The following RC3H1 variants were observed in gnomAD, a reference collection of about 807,000 sequenced individuals.
RC3H1 encodes the protein roquin-1.
A neutral mutation model predicts 138.2 loss-of-function variants in RC3H1; 50 were observed. That is an observed-to-expected ratio of 0.36 (90% CI 0.29 to 0.46). RC3H1 has a LOEUF of 0.46. Among genes scored for constraint, RC3H1 ranks in the 20% least tolerant of loss-of-function variants. RC3H1 has a pLI of 1.00. For missense variants in RC3H1, 1,031 were observed against 1,388.1 expected, an observed-to-expected ratio of 0.74 and a Z score of 4.09; for synonymous variants, 462 against 489.1, an observed-to-expected ratio of 0.94 and a Z score of 0.73.
chr1:173,990,311 T>A (rs1661220775), intron 2 of RC3H1, among the ~76,000 whole-genome samples: 1 of 151,730 alleles, frequency 6.6e-6, no homozygotes, highest in Non-Finnish European at 1.5e-5. Flanking sequence ...ACTCCTGGCC[T>A]CAAGAGATCT....
intron 2 of RC3H1, among the ~76,000 whole-genome samples, chr1:173,990,689 C>T (rs535003940): frequency 8.6e-5 from 13 of 151,656 alleles, no homozygotes; most frequent in African/African-American, 3.1e-4. Flanking sequence ...TCTCCTGCCT[C>T]GGCCTCCCAA....
At chr1:173,981,817 C>T (rs1660832606) in intron 5 of RC3H1, among the ~76,000 whole-genome samples, 1 of 151,978 alleles carries the variant, frequency 6.6e-6, no homozygotes. Flanking sequence ...AGGAGAATTG[C>T]TTGACCCAGA....
chr1:173,949,352 C>T (rs1659283539), intron 14 of RC3H1, among the ~76,000 whole-genome samples: 1 of 151,764 alleles, frequency 6.6e-6, no homozygotes, highest in African/African-American at 2.4e-5. Flanking sequence ...TGAAGGCATA[C>T]CTTTCAGCAA....
At chr1:173,994,540 T>C (rs1049535322) in intron 1 of RC3H1, among the ~76,000 whole-genome samples, 5 of 152,174 alleles carry the variant, frequency 3.3e-5, no homozygotes, top group Admixed American at 6.5e-5. Flanking sequence ...GGCTCATGCC[T>C]ATAATTCCAG....
chr1:173,931,851 G>GTT lies in RC3H1; in HGVS notation c.*6869_*6870insAA, dbSNP rs1471360069. 1 of 151,650 alleles carries GTT rather than the reference G, an allele frequency of 6.6e-6. No homozygotes were observed. Among genetic ancestry groups the GTT allele is most frequent in the East Asian group, 1.9e-4 (1 of 5,182 alleles). 9.4% of individuals were successfully genotyped at this position (151,650 alleles called of 1,614,324 possible). ...TTAAAGTTGGAAACACTTGGAAAAA[G>GTT]TAAAATTTCACAAAATTCAGCAATT... On this transcript the variant is annotated 3_prime_UTR_variant, in exon 20 of 20. Transcript: ENST00000367696.
rs1207787798 is a variant in RC3H1, at chr1:173,943,001, C to T, written c.3135+441G>A. Among the ~76,000 whole-genome samples, 5 of 152,110 alleles carry T rather than the reference C, an allele frequency of 3.3e-5. No homozygotes were observed. In the East Asian group the frequency reaches 9.6e-4, roughly 29 times the overall value. On this transcript the variant is annotated intron_variant, in intron 18 of 19. Transcript: ENST00000367696. ...AAGCATACATAATGGATACAGGAAA[C>T]AATGTGCAGATTGCATATCACTCAT... is the stretch of plus-strand genomic sequence containing the variant.
chr1:173,939,277 C>T (rs948938642), intron 19 of RC3H1, among the ~76,000 whole-genome samples: 2 of 151,988 alleles, frequency 1.3e-5, no homozygotes, highest in Non-Finnish European at 2.9e-5. Flanking sequence ...TGAGCTCATG[C>T]CTATAATCCC....
intron 8 of RC3H1, 51 bp from the exon 9 acceptor site, chr1:173,970,668 C>A (rs765816457): frequency 1.7e-6 from 2 of 1,188,970 alleles, no homozygotes; most frequent in South Asian, 1.3e-5. Flanking sequence ...CACAAAAAAA[C>A]ATAAATTTTG....
In RC3H1 at chr1:173,984,484, C is replaced by G; in HGVS notation, c.352+15G>C. ...GCAGTTTTACTCTTTAAATAAGAAA[C>G]AAAAACAAACTTACCTCTAGCACTG... On this transcript the variant is annotated intron_variant, in intron 3 of 19. Transcript: ENST00000367696. 6.2e-7 allele frequency: 1 copy of G among 1,609,364 alleles called. No individual in the cohort carries two copies. Among genetic ancestry groups the G allele is most frequent in the Non-Finnish European group, 8.5e-7 (1 of 1,178,472 alleles).
chr1:173,954,721 G>A (rs557997721), intron 13 of RC3H1, among the ~76,000 whole-genome samples: 80 of 152,054 alleles, frequency 5.3e-4, no homozygotes, highest in African/African-American at 1.6e-3. Flanking sequence ...AAATTTGGAC[G>A]GGGCATGGTG....
intron 13 of RC3H1, among the ~76,000 whole-genome samples, chr1:173,954,280 G>C (rs1002130806): frequency 1.1e-4 from 17 of 152,140 alleles, no homozygotes; most frequent in Admixed American, 9.8e-4. Flanking sequence ...CAGCAACATA[G>C]ATGAGCCTAG....
In RC3H1 at chr1:173,961,806, T is replaced by A; in HGVS notation, c.2121A>T (p.Glu707Asp). The change falls in exon 12 of 20, where the codon GAA becomes GAT. Residue 707 changes from glutamate (E) to aspartate (D), a missense_variant. Coordinates refer to ENST00000367696, the MANE Select transcript of RC3H1 (RefSeq NM_172071.4). ...PPAAVPSYVP[E>D]SRERYQQIES... Reference sequence around the variant, plus strand: ...CGATCTGTTGGTATCTTTCTCTGGATTCTGGTACATACGATGGTACTGCTG... The same window carrying A: ...CGATCTGTTGGTATCTTTCTCTGGAATCTGGTACATACGATGGTACTGCTG... 6.2e-7 allele frequency: 1 copy of A among 1,613,722 alleles called. No homozygotes were observed. The highest frequency in any genetic ancestry group is 8.5e-7 in the Non-Finnish European group (1 of 1,180,002).
intron 2 of RC3H1, among the ~76,000 whole-genome samples, chr1:173,991,040 GC>G (rs1456739350): frequency 6.6e-6 from 1 of 152,164 alleles, no homozygotes; most frequent in Non-Finnish European, 1.5e-5. Flanking sequence ...GACCAGCATA[GC>G]CAACATGGCG....
rs746736445 is a variant in RC3H1, at chr1:173,961,827, T to C, written c.2100A>G (p.Ala700=). Residue 700 remains alanine, a synonymous_variant, in exon 12 of 20, where the codon GCA becomes GCG. Transcript: ENST00000367696. ...SPIPIEIPPA[A]VPSYVPESRE... The stretch of plus-strand genomic sequence containing the variant: ...TGGATTCTGGTACATACGATGGTAC[T>C]GCTGCAGGTGGAATCTCAATGGGTA... The C allele has an allele frequency of 6.2e-7, 1 of 1,614,004 alleles. No individual in the cohort carries two copies. Among genetic ancestry groups the C allele is most frequent in the East Asian group, 2.2e-5 (1 of 44,882 alleles).
chr1:173,992,589 C>A (rs1183386231), intron 2 of RC3H1, among the ~76,000 whole-genome samples, 166 bp downstream of exon 2: 1 of 151,842 alleles, frequency 6.6e-6, no homozygotes, highest in Non-Finnish European at 1.5e-5. Flanking sequence ...CAGTACCAAA[C>A]AGAATTATAC....
intron 1 of RC3H1, among the ~76,000 whole-genome samples, chr1:174,002,003 C>T (rs544091632): frequency 1.5e-3 from 232 of 151,838 alleles, no homozygotes; most frequent in African/African-American, 5.3e-3. Flanking sequence ...AAATTGTTTG[C>T]TTTATTATCT....
At chr1:173,963,884 G>C (rs1659983010) in intron 11 of RC3H1, 89 bp downstream of exon 11, 1 of 1,008,468 alleles carries the variant, frequency 9.9e-7, no homozygotes, top group Admixed American at 2.3e-5. Flanking sequence ...TTATCTTAAA[G>C]AGGCTACTGT....
rs1165317766 is a variant in RC3H1 at position 174,017,783 on chromosome 1, C to CCAAAAAAAAAAAAAAAAAAAA, written c.-151+4312_-151+4313insTTTTTTTTTTTTTTTTTTTTG. Among the ~76,000 whole-genome samples, 9 of 72,034 alleles carry CCAAAAAAAAAAAAAAAAAAAA rather than the reference C, an allele frequency of 1.2e-4. 1 individual carries two copies. The highest frequency in any genetic ancestry group is 4.6e-4 in the African/African-American group (8 of 17,530). The allele number at this position is 72,034 out of a possible 152,430, so 47.3% of individuals were successfully genotyped here. Reference sequence around the variant, plus strand: ...ACCCCTTTAGAACTCTTTTCTTGCTCAAAAAAAAAAAAAAAAAAAAAAAAA... The same window carrying CCAAAAAAAAAAAAAAAAAAAA: ...ACCCCTTTAGAACTCTTTTCTTGCTCCAAAAAAAAAAAAAAAAAAAAAAAAAAAAAAAAAAAAAAAAAAAAA... On this transcript the variant is annotated intron_variant, in intron 1 of 19. Transcript: ENST00000367696.
chr1:173,956,130 C>CAAAAAAAAAAAAAAAAA (rs552947734), intron 13 of RC3H1, among the ~76,000 whole-genome samples: 1 of 86,376 alleles, frequency 1.2e-5, no homozygotes, highest in African/African-American at 3.5e-5. Flanking sequence ...GAGTCTGTCT[C>CAAAAAAAAAAAAAAAAA]AAAAAAAAAA....
Sources: allele counts gnomAD v4.1 joint callset (sites outside exome capture counted in the v4.1 genomes callset), GRCh38; gene constraint gnomAD v4.1.1; transcripts MANE v1.5; gene names NCBI Gene and HGNC (gene_info 2026-07-23, HGNC 2026-07-21).